ADGRL3: variants seen among roughly 807,000 people sequenced by gnomAD.
ADGRL3 encodes adhesion G protein-coupled receptor L3, also known as calcium-independent alpha-latrotoxin receptor 3.
ADGRL3 carries 62 observed loss-of-function variants against 153.5 expected under a neutral mutation model. The ratio of observed to expected loss-of-function variants is 0.40; its 90% confidence interval spans 0.33 to 0.50. The LOEUF (loss-of-function observed/expected upper bound fraction) is 0.50, where lower values mean the gene tolerates loss of function less well. ADGRL3 is among the 20% of genes least tolerant of loss of function. The pLI is 0.47. For synonymous variants in ADGRL3, 710 were observed against 672.5 expected (o/e 1.06, Z -0.86); for missense variants, 1,641 against 1,859.4 (o/e 0.88, Z 2.16).
intron 9 of ADGRL3, among the ~76,000 whole-genome samples, chr4:61,834,693 TG>T (rs912718426): frequency 6.6e-6 from 1 of 152,166 alleles, no homozygotes; most frequent in Non-Finnish European, 1.5e-5. Context: ...GAAACCACTT[TG>T]TACCTGGCTG....
intron 8 of ADGRL3, among the ~76,000 whole-genome samples, chr4:61,806,092 C>T (rs1033017883): frequency 6.6e-6 from 1 of 152,120 alleles, no homozygotes; most frequent in African/African-American, 2.4e-5. Flanking sequence ...ATACACTGAG[C>T]TCTTACGATG....
Position 61,948,289 on chromosome 4 carries a change from C to T in ADGRL3, c.2805+13C>T. Reference sequence around the variant, plus strand: ...TGTGGAAGTTAAGGTAAGATATATACCATACAATGAAAATGTTTTAGTATA... The same window carrying T: ...TGTGGAAGTTAAGGTAAGATATATATCATACAATGAAAATGTTTTAGTATA... On this transcript the variant is annotated intron_variant, in intron 17 of 26. Transcript: ENST00000683033. The T allele has an allele frequency of 3.1e-6, 5 of 1,601,564 alleles. No individual in the cohort carries two copies. Among genetic ancestry groups the T allele is most frequent in the Non-Finnish European group, 4.3e-6 (5 of 1,169,386 alleles).
chr4:61,939,475 C>CT (rs1466839990), intron 15 of ADGRL3, among the ~76,000 whole-genome samples: 3,862 of 136,054 alleles, frequency 0.028, 148 homozygotes, highest in African/African-American at 0.091. Context: ...TTTTTTTTTT[C>CT]TTTTTTTTTT....
rs547801808 is a variant in ADGRL3 at position 61,573,292 on chromosome 4, G to A, written c.260-13935G>A. Among the ~76,000 whole-genome samples, 85 of 151,852 alleles carry A rather than the reference G, an allele frequency of 5.6e-4. 2 individuals are homozygous for A. In the South Asian group the frequency reaches 0.018, roughly 32 times the overall value. ...TTTTCCAAATTAGAATTATGAAGTC[G>A]CCAAATTGAATTTGTGTTATCATCA... On this transcript the variant is annotated intron_variant, in intron 4 of 26. Transcript: ENST00000683033.
At chr4:61,276,410 A>G (rs966300388) in intron 1 of ADGRL3, among the ~76,000 whole-genome samples, 1 of 152,184 alleles carries the variant, frequency 6.6e-6, no homozygotes, top group Non-Finnish European at 1.5e-5. Context: ...CTTTAAACTT[A>G]AAGGAACAGC....
chr4:61,425,940 C>T (rs1296106788), intron 2 of ADGRL3, among the ~76,000 whole-genome samples: 1 of 152,174 alleles, frequency 6.6e-6, no homozygotes, highest in African/African-American at 2.4e-5. Flanking sequence ...GATTACCATT[C>T]GTCCCCATAT....
At chr4:61,252,908 T>G (rs2091590960) in intron 1 of ADGRL3, among the ~76,000 whole-genome samples, 1 of 152,194 alleles carries the variant, frequency 6.6e-6, no homozygotes, top group Non-Finnish European at 1.5e-5. Flanking sequence ...GAAAATGATT[T>G]GAAAAGCCAG....
chr4:61,532,777 A>G (rs1350088949), intron 4 of ADGRL3, among the ~76,000 whole-genome samples: 1 of 151,744 alleles, frequency 6.6e-6, no homozygotes, highest in Non-Finnish European at 1.5e-5. Context: ...GTCTCAGCAC[A>G]CATGCTTGCC....
intron 2 of ADGRL3, among the ~76,000 whole-genome samples, chr4:61,429,673 A>G (rs960105482): frequency 3.9e-5 from 6 of 152,118 alleles, no homozygotes; most frequent in Non-Finnish European, 8.8e-5. Context: ...CATTTTTTGT[A>G]GGCATTGTGA....
At chr4:61,665,101 A>G (rs959583502) in intron 5 of ADGRL3, among the ~76,000 whole-genome samples, 2 of 152,170 alleles carry the variant, frequency 1.3e-5, no homozygotes, top group African/African-American at 2.4e-5. Context: ...TTATGTGTAG[A>G]ATATTCTTAC....
chr4:61,868,514 G>A (rs1005135895), intron 9 of ADGRL3, among the ~76,000 whole-genome samples: 1 of 151,992 alleles, frequency 6.6e-6, no homozygotes, highest in Non-Finnish European at 1.5e-5. Flanking sequence ...TATAACAAAC[G>A]AATGAAAGGA....
At chr4:61,219,010 A>AG (rs2148983026) in intron 1 of ADGRL3, among the ~76,000 whole-genome samples, 1 of 152,312 alleles carries the variant, frequency 6.6e-6, no homozygotes, top group South Asian at 2.1e-4. Flanking sequence ...GGAGGCATCA[A>AG]GGGGGGCTGT....
intron 1 of ADGRL3, among the ~76,000 whole-genome samples, chr4:61,272,700 G>A (rs537874305): frequency 6.6e-6 from 1 of 152,128 alleles, no homozygotes; most frequent in African/African-American, 2.4e-5. Context: ...ATGAAAAGTA[G>A]CTTTTGAGTG....
intron 1 of ADGRL3, among the ~76,000 whole-genome samples, chr4:61,314,063 G>T (rs143312274): frequency 6.6e-6 from 1 of 152,278 alleles, no homozygotes; most frequent in East Asian, 1.9e-4. Flanking sequence ...GCCGGGAACT[G>T]ATTATTTTTC....
intron 8 of ADGRL3, among the ~76,000 whole-genome samples, chr4:61,754,452 T>A (rs1208050779): frequency 2.0e-5 from 3 of 151,906 alleles, no homozygotes; most frequent in Non-Finnish European, 4.4e-5. Context: ...AAAAACAAAA[T>A]ATTAAAGAAC....
At chr4:62,055,271 A>G (rs191045747) in intron 25 of ADGRL3, among the ~76,000 whole-genome samples, 2 of 151,844 alleles carry the variant, frequency 1.3e-5, no homozygotes, top group Non-Finnish European at 3.0e-5. Flanking sequence ...AAATCAGACT[A>G]TGTCATTTTA....
chr4:61,697,904 G>C lies in ADGRL3; in HGVS notation c.583+20969G>C, dbSNP rs1040386557. 7.2e-5 allele frequency among the ~76,000 whole-genome samples: 11 copies of C among 152,110 alleles called. 1 individual carries two copies. The highest frequency in any genetic ancestry group is 6.6e-4 in the Admixed American group (10 of 15,264). On this transcript the variant is annotated intron_variant, in intron 6 of 26. Transcript: ENST00000683033. Reference sequence around the variant, plus strand: ...AAAAAATTCTGTTACATGAAGCCCAGGAGTGATCATTAGGCTATAGCAGAT... The same window carrying C: ...AAAAAATTCTGTTACATGAAGCCCACGAGTGATCATTAGGCTATAGCAGAT...
chr4:61,939,118 GA>G (rs1410164795), intron 15 of ADGRL3, among the ~76,000 whole-genome samples: 1 of 152,046 alleles, frequency 6.6e-6, no homozygotes, highest in Non-Finnish European at 1.5e-5. Flanking sequence ...TGTCATAAAG[GA>G]AAAAATAAGG....
At chr4:61,338,270 TC>T (rs1460615512) in intron 1 of ADGRL3, among the ~76,000 whole-genome samples, 2 of 149,702 alleles carry the variant, frequency 1.3e-5, no homozygotes, top group Admixed American at 6.7e-5. Flanking sequence ...AGACTCTGTC[TC>T]AATTTAAAAA....
Sources: allele counts gnomAD v4.1 joint callset (sites outside exome capture counted in the v4.1 genomes callset), GRCh38; gene constraint gnomAD v4.1.1; transcripts MANE v1.5; gene names NCBI Gene and HGNC (gene_info 2026-07-23, HGNC 2026-07-21).